ITGAM: variants seen among roughly 807,000 people sequenced by gnomAD.
ITGAM encodes integrin alpha-M.
In ITGAM, 79 loss-of-function variants were observed where a neutral mutation model predicts 137.5. That is an observed-to-expected ratio of 0.57 (90% confidence interval 0.48 to 0.69). The LOEUF (loss-of-function observed/expected upper bound fraction) is 0.69. Among genes scored for constraint, ITGAM ranks in the 30% least tolerant of loss-of-function variants. The pLI, the probability that ITGAM is intolerant of heterozygous loss-of-function variation, is 0.00. For synonymous variants in ITGAM, 583 were observed against 592.3 expected (o/e 0.98, Z 0.23); for missense variants, 1,343 against 1,483.5 (o/e 0.91, Z 1.56).
At chr16:31,297,452 G>A in intron 12 of ITGAM, 62 bp from the exon 13 acceptor site, 2 of 1,605,466 alleles carry the variant, frequency 1.2e-6, no homozygotes, top group Non-Finnish European at 1.7e-6. Context: ...TTCAGAGAGA[G>A]AAAACCTCCA....
At chr16:31,263,770 G>A (rs1318354850) in intron 2 of ITGAM, among the ~76,000 whole-genome samples, 1 of 145,968 alleles carries the variant, frequency 6.9e-6, no homozygotes, top group South Asian at 2.2e-4. Flanking sequence ...TTTTTCTTTT[G>A]AGTATGCTTA....
chr16:31,278,135 T>C (rs748501077), intron 12 of ITGAM, 26 bp downstream of exon 12: 2 of 1,592,062 alleles, frequency 1.3e-6, no homozygotes, highest in East Asian at 2.3e-5. Flanking sequence ...GGAGCATGAA[T>C]GTGCAAACAG....
At chr16:31,290,530 C>T (rs1275397945) in intron 12 of ITGAM, among the ~76,000 whole-genome samples, 3 of 152,090 alleles carry the variant, frequency 2.0e-5, no homozygotes, top group Non-Finnish European at 4.4e-5. Flanking sequence ...CAACATACAA[C>T]ATCGTTTCAT....
intron 14 of ITGAM, among the ~76,000 whole-genome samples, chr16:31,302,743 G>T (rs1244445417): frequency 6.6e-6 from 1 of 151,782 alleles, no homozygotes; most frequent in Admixed American, 6.6e-5. Flanking sequence ...CACCATGTTG[G>T]CCAGGCTGGT....
intron 11 of ITGAM, among the ~76,000 whole-genome samples, chr16:31,277,522 C>A (rs1427716420): frequency 6.6e-6 from 1 of 152,168 alleles, no homozygotes; most frequent in African/African-American, 2.4e-5. Context: ...CCATGCCCAG[C>A]TAATTTTGTA....
intron 14 of ITGAM, among the ~76,000 whole-genome samples, chr16:31,302,483 CTTTTTTCTTTCCTTCTTTCT>C (rs2080215852): frequency 1.3e-5 from 1 of 77,632 alleles, no homozygotes; most frequent in African/African-American, 5.7e-5. Context: ...TTCTTTCTTT[CTTTTTTCTTTCCTTCTTTCT>C]TTCTTTCTTT....
At chr16:31,270,743 A>ATATATAT (rs1475429642) in intron 5 of ITGAM, among the ~76,000 whole-genome samples, 37 of 106,196 alleles carry the variant, frequency 3.5e-4, no homozygotes, top group African/African-American at 5.7e-4. Context: ...ATATATATAT[A>ATATATAT]TGTTTTTAAC....
At chr16:31,330,785 G>C (rs1351419397) in intron 28 of ITGAM, among the ~76,000 whole-genome samples, 180 bp downstream of exon 28, 2 of 144,678 alleles carry the variant, frequency 1.4e-5, no homozygotes, top group Non-Finnish European at 3.0e-5. Flanking sequence ...TAGAGGCAGA[G>C]GGAGAAACAG....
Position 31,287,010 on chromosome 16 carries a change from G to A in ITGAM, c.1356+8901G>A, listed in dbSNP as rs556091415. ...TAAATCTTTAATCCATGTGATTTAAGTCTTTAATCACATTTAAATCTTTAA... is the reference window on the plus strand; with the variant it reads ...TAAATCTTTAATCCATGTGATTTAAATCTTTAATCACATTTAAATCTTTAA... On this transcript the variant is annotated intron_variant, in intron 12 of 29. Coordinates refer to ENST00000544665, the MANE Select transcript of ITGAM (RefSeq NM_000632.4). 3.3e-5 allele frequency among the ~76,000 whole-genome samples: 5 copies of A among 152,232 alleles called. No homozygotes were observed. The East Asian group carries it at 7.7e-4, about 24-fold the overall frequency.
intron 16 of ITGAM, among the ~76,000 whole-genome samples, chr16:31,322,032 A>G (rs2080456440): frequency 6.6e-6 from 1 of 152,244 alleles, no homozygotes; most frequent in Non-Finnish European, 1.5e-5. Flanking sequence ...CTCAAAGAGT[A>G]GAACTGTGTT....
chr16:31,287,618 T>G (rs9937837), intron 12 of ITGAM, among the ~76,000 whole-genome samples: 58,717 of 151,958 alleles, frequency 0.39, 14,932 homozygotes, highest in African/African-American at 0.73. Context: ...CATTTTTCGT[T>G]TCTGCCTGTA....
At chr16:31,264,661 G>A (rs1377494338) in intron 2 of ITGAM, among the ~76,000 whole-genome samples, 1 of 151,338 alleles carries the variant, frequency 6.6e-6, no homozygotes, top group South Asian at 2.1e-4. Flanking sequence ...AAAAAAAAAT[G>A]GTTGGCCTGG....
intron 12 of ITGAM, among the ~76,000 whole-genome samples, chr16:31,279,556 A>G (rs1479349349): frequency 6.6e-6 from 1 of 152,110 alleles, no homozygotes; most frequent in Admixed American, 6.5e-5. Flanking sequence ...GTGTCTGTTC[A>G]TATCCCTTGC....
rs375712067 is a variant in ITGAM, at chr16:31,329,230, A to G, written c.2795A>G (p.His932Arg). ...KYAVYMVVTS[H>R]GVSTKYLNFT... Reference sequence around the variant, plus strand: ...CTGTCCCTTTTTTCTCCCTTCAGCCATGGGGTCTCCACTAAATATCTCAAC... The same window carrying G: ...CTGTCCCTTTTTTCTCCCTTCAGCCGTGGGGTCTCCACTAAATATCTCAAC... Residue 932 changes from histidine to arginine, a missense_variant and splice_region_variant, in exon 24 of 30, where the codon CAT (histidine) becomes CGT (arginine). Transcript: ENST00000544665. The G allele has an allele frequency of 6.2e-6, 10 of 1,609,404 alleles. No homozygotes were observed. Among genetic ancestry groups the G allele is most frequent in the Non-Finnish European group, 6.8e-6 (8 of 1,176,168 alleles).
chr16:31,311,322 G>T (rs1030634272), intron 14 of ITGAM, among the ~76,000 whole-genome samples: 3 of 152,184 alleles, frequency 2.0e-5, no homozygotes, highest in African/African-American at 7.2e-5. Flanking sequence ...CACAGCAAAA[G>T]AAACTACCAT....
chr16:31,325,022 G>C lies in ITGAM; in HGVS notation c.2354G>C (p.Ser785Thr). Residue 785 changes from serine (S) to threonine (T), a missense_variant, in exon 19 of 30, where the codon AGT (serine) becomes ACT (threonine). Physicochemically the swap from Ser to Thr is moderately conservative, Grantham distance 58 (BLOSUM62 1). Coordinates refer to ENST00000544665, the MANE Select transcript of ITGAM (RefSeq NM_000632.4). ...ICQDDLSITF[S>T]FMSLDCLVVG... is the part of the protein sequence containing the mutation. Reference sequence around the variant, plus strand: ...CAGGATGACCTCAGCATCACCTTCAGTTTCATGAGGTGAGTTTCCTTTCCT... The same window carrying C: ...CAGGATGACCTCAGCATCACCTTCACTTTCATGAGGTGAGTTTCCTTTCCT... 1 of 1,612,388 alleles carries C rather than the reference G, an allele frequency of 6.2e-7. No homozygotes were observed. Among genetic ancestry groups the C allele is most frequent in the Non-Finnish European group, 8.5e-7 (1 of 1,179,212 alleles).
rs1385521665 is a variant in ITGAM, at chr16:31,331,265, C to T, written c.3377C>T (p.Ala1126Val). Reference sequence around the variant, plus strand: ...CTGCTCCTGGCCCTCATCACCGCCGCGCTGTACAAGGTGCTCCCCGCTGCT... The same window carrying T: ...CTGCTCCTGGCCCTCATCACCGCCGTGCTGTACAAGGTGCTCCCCGCTGCT... ...GLLLLALITAALYKLGFFKRQ... is the reference protein window; with the variant it reads ...GLLLLALITAVLYKLGFFKRQ... The change falls in exon 29 of 30, where the codon GCG (alanine) becomes GTG (valine). Residue 1126 changes from alanine (A) to valine (V), a missense_variant. Physicochemically the swap from Ala to Val is moderately conservative, Grantham distance 64. Coordinates refer to ENST00000544665, the MANE Select transcript of ITGAM (RefSeq NM_000632.4). 1.9e-6 allele frequency: 3 copies of T among 1,607,660 alleles called. No individual in the cohort carries two copies. The highest frequency in any genetic ancestry group is 2.6e-6 in the Non-Finnish European group (3 of 1,175,432).
At position 31,312,629 on chromosome 16, in the gene ITGAM, A is replaced by G. The variant is rs7198152; in HGVS notation, c.1708-8612A>G. Among the ~76,000 whole-genome samples, 773 of 152,140 alleles carry G rather than the reference A, an allele frequency of 5.1e-3. 8 individuals carry two copies. Among genetic ancestry groups the G allele is most frequent in the African/African-American group, 0.018 (743 of 41,534 alleles). ...TCTTTTGCAGTGACAGGGTCTGTCT[A>G]TGTTTCCCAGGCTGGTCTCCAACTC... On this transcript the variant is annotated intron_variant, in intron 14 of 29. Coordinates refer to ENST00000544665, the MANE Select transcript of ITGAM (RefSeq NM_000632.4).
At chr16:31,266,633 C>G (rs1426072336) in intron 5 of ITGAM, among the ~76,000 whole-genome samples, 1 of 151,762 alleles carries the variant, frequency 6.6e-6, no homozygotes, top group Non-Finnish European at 1.5e-5. Context: ...TCACTTGAGC[C>G]TGGGAAGTTG....
Sources: gnomAD v4.1 joint callset for allele counts (sites outside exome capture counted in the v4.1 genomes callset) on GRCh38, gnomAD v4.1.1 for gene constraint, MANE v1.5 for transcripts, NCBI Gene and HGNC (gene_info 2026-07-23, HGNC 2026-07-21) for gene names.